Variants in NFKB1 observed in about 807,000 individuals in gnomAD.
The protein encoded by NFKB1 is nuclear factor kappa B subunit 1, also known as nuclear factor NF-kappa-B p105 subunit.
NFKB1 carries 9 observed loss-of-function variants against 105.1 expected under a neutral mutation model. The observed-to-expected ratio is 0.09, with a 90% CI of 0.05 to 0.15. NFKB1 has a LOEUF of 0.15. Among genes scored for constraint, NFKB1 ranks in the 10% least tolerant of loss-of-function variants. NFKB1 has a pLI of 1.00. For missense variants in NFKB1, 830 were observed against 1,203.7 expected (o/e 0.69, Z 4.59); for synonymous variants, 440 against 442.2 (o/e 1.00, Z 0.06).
chr4:102,601,505 A>T (rs1727139729), intron 16 of NFKB1, among the ~76,000 whole-genome samples: 1 of 152,254 alleles, frequency 6.6e-6, no homozygotes, highest in Non-Finnish European at 1.5e-5. Flanking sequence ...TCAAAAGCAG[A>T]AAGACAGCTC....
rs150870632 is a variant in NFKB1, at chr4:102,549,612, A to G, written c.258+11656A>G. 3.9e-5 allele frequency among the ~76,000 whole-genome samples: 6 copies of G among 152,050 alleles called. No homozygotes were observed. The East Asian group carries it at 1.2e-3, about 29-fold the overall frequency. On this transcript the variant is annotated intron_variant, in intron 5 of 23. Transcript: ENST00000226574. Reference sequence around the variant, plus strand: ...AGCCTAGACTTCCACTTTGAAATGTAGTCTCCAGGCTCAGCCACTTGTTTG... The same window carrying G: ...AGCCTAGACTTCCACTTTGAAATGTGGTCTCCAGGCTCAGCCACTTGTTTG...
chr4:102,548,316 G>C (rs1163419624), intron 5 of NFKB1, among the ~76,000 whole-genome samples: 1 of 152,114 alleles, frequency 6.6e-6, no homozygotes, highest in Non-Finnish European at 1.5e-5. Flanking sequence ...GTCCATGCGA[G>C]GTGTGAGCAT....
chr4:102,520,226 G>C lies in NFKB1; in HGVS notation c.-7-5286G>C, dbSNP rs116359191. 5.4e-3 allele frequency among the ~76,000 whole-genome samples: 818 copies of C among 152,304 alleles called. 5 individuals carry two copies. The highest frequency in any genetic ancestry group is 0.016 in the African/African-American group (652 of 41,556). ...AGCCACCTTAGAAAGGGAATTGTCA[G>C]CGTACCCATAAGTGTAGAATGGGAA... is the stretch of plus-strand genomic sequence containing the variant. On this transcript the variant is annotated intron_variant, in intron 1 of 23. Coordinates refer to ENST00000226574, the MANE Select transcript of NFKB1 (RefSeq NM_003998.4).
intron 5 of NFKB1, among the ~76,000 whole-genome samples, chr4:102,564,256 G>A (rs1215591114): frequency 6.6e-6 from 1 of 152,168 alleles, no homozygotes; most frequent in African/African-American, 2.4e-5. Flanking sequence ...TGAATAAAAA[G>A]AACTAAGTTC....
chr4:102,607,626 T>G (rs745819903), intron 18 of NFKB1, 23 bp from the exon 19 acceptor site: 4 of 1,611,710 alleles, frequency 2.5e-6, no homozygotes, highest in Non-Finnish European at 3.4e-6. Context: ...CACTAACGCT[T>G]TCTTGTGTGG....
chr4:102,556,638 G>A (rs1035720817), intron 5 of NFKB1, among the ~76,000 whole-genome samples: 11 of 152,090 alleles, frequency 7.2e-5, no homozygotes, highest in Admixed American at 2.6e-4. Flanking sequence ...GATGGATCGG[G>A]GGATTACTTA....
chr4:102,547,919 G>T (rs900396896), intron 5 of NFKB1, among the ~76,000 whole-genome samples: 3 of 152,102 alleles, frequency 2.0e-5, no homozygotes, highest in Non-Finnish European at 4.4e-5. Context: ...AAATCTCATA[G>T]GTAGGATACC....
intron 3 of NFKB1, among the ~76,000 whole-genome samples, chr4:102,530,261 A>G (rs1437940121): frequency 6.6e-6 from 1 of 152,106 alleles, no homozygotes; most frequent in Non-Finnish European, 1.5e-5. Context: ...TGTTTCAAAC[A>G]TTTAAGAGGG....
intron 1 of NFKB1, among the ~76,000 whole-genome samples, chr4:102,514,188 AAATAAT>A (rs1183407557): frequency 6.6e-6 from 1 of 151,898 alleles, no homozygotes; most frequent in Admixed American, 6.6e-5. Flanking sequence ...AAAAAAAAGA[AAATAAT>A]AATAATAATA....
chr4:102,548,056 A>AT (rs1341345387), intron 5 of NFKB1, among the ~76,000 whole-genome samples: 17 of 152,226 alleles, frequency 1.1e-4, no homozygotes, highest in African/African-American at 3.4e-4. Context: ...CAAGATGGAA[A>AT]TAAAGATTTT....
intron 13 of NFKB1, among the ~76,000 whole-genome samples, chr4:102,595,538 A>G (rs1025715763): frequency 1.3e-5 from 2 of 152,242 alleles, no homozygotes; most frequent in African/African-American, 2.4e-5. Flanking sequence ...TGACTGCTCT[A>G]TATGGAAAAT....
chr4:102,605,009 T>C (rs922405170), intron 16 of NFKB1, among the ~76,000 whole-genome samples: 2 of 152,146 alleles, frequency 1.3e-5, no homozygotes, highest in African/African-American at 2.4e-5. Context: ...TAAGATATTT[T>C]TTAATTAAAT....
At chr4:102,519,044 G>T (rs80175873) in intron 1 of NFKB1, among the ~76,000 whole-genome samples, 4,557 of 152,112 alleles carry the variant, frequency 0.03, 94 homozygotes, top group Non-Finnish European at 0.044. Context: ...ATAAAAAAAA[G>T]TGTGGCCATT....
chr4:102,607,360 G>A (rs1244543281), intron 18 of NFKB1, 41 bp downstream of exon 18: 2 of 1,587,058 alleles, frequency 1.3e-6, no homozygotes, highest in Non-Finnish European at 1.7e-6. Flanking sequence ...AAATTTCTGA[G>A]GGAGATTTAA....
At chr4:102,513,209 AC>A (rs941553184) in intron 1 of NFKB1, among the ~76,000 whole-genome samples, 3 of 152,194 alleles carry the variant, frequency 2.0e-5, no homozygotes, top group Non-Finnish European at 4.4e-5. Flanking sequence ...AAGACCTCAC[AC>A]CATGAACAGA....
intron 18 of NFKB1, 43 bp downstream of exon 18, chr4:102,607,362 G>C: frequency 6.3e-7 from 1 of 1,584,670 alleles, no homozygotes; most frequent in South Asian, 1.1e-5. Flanking sequence ...ATTTCTGAGG[G>C]AGATTTAAGG....
At chr4:102,521,394 G>C (rs1428850295) in intron 1 of NFKB1, among the ~76,000 whole-genome samples, 1 of 152,168 alleles carries the variant, frequency 6.6e-6, no homozygotes, top group African/African-American at 2.4e-5. Flanking sequence ...TGCTATCCAA[G>C]ATGAGGTATT....
At chr4:102,550,528 A>G (rs1722493238) in intron 5 of NFKB1, among the ~76,000 whole-genome samples, 1 of 152,154 alleles carries the variant, frequency 6.6e-6, no homozygotes, top group Admixed American at 6.6e-5. Context: ...GAGATATGAA[A>G]TGTGTATCTC....
intron 2 of NFKB1, among the ~76,000 whole-genome samples, chr4:102,528,216 G>T (rs1350091247): frequency 1.3e-5 from 2 of 151,962 alleles, no homozygotes; most frequent in Non-Finnish European, 2.9e-5. Flanking sequence ...GCCACCACAG[G>T]AAAGAGTTTT....
Sources: gnomAD v4.1 joint callset for allele counts (sites outside exome capture counted in the v4.1 genomes callset) on GRCh38, gnomAD v4.1.1 for gene constraint, MANE v1.5 for transcripts, NCBI Gene and HGNC (gene_info 2026-07-23, HGNC 2026-07-21) for gene names.